The following CDKAL1 variants were observed in gnomAD, a reference collection of about 807,000 sequenced individuals.
CDKAL1 encodes CDKAL1 threonylcarbamoyladenosine tRNA methylthiotransferase.
In CDKAL1, 32 loss-of-function variants were observed where a neutral mutation model predicts 68.2. The observed-to-expected ratio is 0.47, with a 90% confidence interval of 0.35 to 0.63. The LOEUF (loss-of-function observed/expected upper bound fraction) is 0.63. Ranked by LOEUF, CDKAL1 falls within the 30% of genes least tolerant of loss-of-function variation. CDKAL1 has a pLI of 0.00. For synonymous variants in CDKAL1, 234 were observed against 244.3 expected (o/e 0.96, Z 0.39); for missense variants, 606 against 696.7 (o/e 0.87, Z 1.47).
intron 10 of CDKAL1, among the ~76,000 whole-genome samples, chr6:20,993,744 T>C (rs1581985610): frequency 6.6e-6 from 1 of 152,376 alleles, no homozygotes; most frequent in East Asian, 1.9e-4. Context: ...TTTATTTTTT[T>C]CTTTATATTT....
chr6:20,917,426 T>G (rs9368258), intron 9 of CDKAL1, among the ~76,000 whole-genome samples: 145,938 of 152,222 alleles, frequency 0.96, 69,969 homozygotes, highest in East Asian at 1. Flanking sequence ...AGCCTTTTTG[T>G]ATTCATTTAT....
chr6:20,574,365 C>A (rs538034869), intron 4 of CDKAL1, among the ~76,000 whole-genome samples: 1 of 151,994 alleles, frequency 6.6e-6, no homozygotes, highest in Non-Finnish European at 1.5e-5. Context: ...GGTATAGGGT[C>A]CTTATGTCTT....
chr6:20,572,939 C>T (rs1437620427), intron 4 of CDKAL1, among the ~76,000 whole-genome samples: 1 of 152,120 alleles, frequency 6.6e-6, no homozygotes, highest in Non-Finnish European at 1.5e-5. Context: ...AAGGATATTG[C>T]TGATTTTCCT....
At chr6:20,812,357 G>A (rs9358372) in intron 8 of CDKAL1, among the ~76,000 whole-genome samples, 97,173 of 152,012 alleles carry the variant, frequency 0.64, 31,415 homozygotes, top group African/African-American at 0.66. Flanking sequence ...TTATTGGCTA[G>A]TGGAGGCTCC....
At chr6:20,689,248 C>A (rs1770765803) in intron 5 of CDKAL1, among the ~76,000 whole-genome samples, 1 of 152,162 alleles carries the variant, frequency 6.6e-6, no homozygotes, top group Admixed American at 6.5e-5. Context: ...AAAATTCACG[C>A]AAGTATGGGG....
At chr6:20,665,740 T>A (rs1205053062) in intron 5 of CDKAL1, among the ~76,000 whole-genome samples, 2 of 152,040 alleles carry the variant, frequency 1.3e-5, no homozygotes, top group African/African-American at 4.8e-5. Flanking sequence ...AAAGAAACTG[T>A]CGAATGAAAC....
At position 21,165,492 on chromosome 6, in the gene CDKAL1, T is replaced by C. The variant is rs190872695; in HGVS notation, c.1300-32529T>C. Among the ~76,000 whole-genome samples, 185 of 152,374 alleles carry C rather than the reference T, an allele frequency of 1.2e-3. 1 individual carries two copies. Among genetic ancestry groups the C allele is most frequent in the African/African-American group, 4.3e-3 (178 of 41,592 alleles). ...TGGGAGTTTTTACATTTGGGATAATTATTAAAAATCTTTATAATTATCCAT... is the reference window on the plus strand; with the variant it reads ...TGGGAGTTTTTACATTTGGGATAATCATTAAAAATCTTTATAATTATCCAT... On this transcript the variant is annotated intron_variant, in intron 13 of 15. Coordinates refer to ENST00000274695, the MANE Select transcript of CDKAL1 (RefSeq NM_017774.3).
intron 5 of CDKAL1, among the ~76,000 whole-genome samples, chr6:20,735,499 A>G (rs1051272074): frequency 2.0e-5 from 3 of 152,122 alleles, no homozygotes; most frequent in Non-Finnish European, 4.4e-5. Flanking sequence ...AACGACTCCT[A>G]TGATTCAGTT....
chr6:20,656,322 G>A (rs552817653), intron 5 of CDKAL1, among the ~76,000 whole-genome samples: 32 of 152,268 alleles, frequency 2.1e-4, no homozygotes, highest in African/African-American at 7.2e-4. Flanking sequence ...AATTCAAAAT[G>A]GTGGAAGGAA....
At chr6:20,535,448 GT>G (rs1323615279) in intron 2 of CDKAL1, 54 bp downstream of exon 2, 1 of 152,290 alleles carries the variant, frequency 6.6e-6, no homozygotes, top group African/African-American at 2.4e-5. Context: ...ATTTCTGCAT[GT>G]TAGAAAATGC....
At chr6:20,784,532 C>T (rs1775586508) in intron 8 of CDKAL1, among the ~76,000 whole-genome samples, 1 of 137,346 alleles carries the variant, frequency 7.3e-6, no homozygotes, top group Non-Finnish European at 1.5e-5. Context: ...TCAAGTGATT[C>T]TTCTGCCTCA....
chr6:21,112,635 C>T (rs1171110158), intron 13 of CDKAL1, among the ~76,000 whole-genome samples: 6 of 152,140 alleles, frequency 3.9e-5, no homozygotes, highest in Admixed American at 3.9e-4. Flanking sequence ...TATTTAATTA[C>T]TTTTCTACAT....
chr6:20,669,921 A>T (rs928257816), intron 5 of CDKAL1, among the ~76,000 whole-genome samples: 3 of 152,184 alleles, frequency 2.0e-5, no homozygotes, highest in African/African-American at 7.2e-5. Flanking sequence ...TAGGAAATGT[A>T]TGTATTTACA....
Position 20,643,590 on chromosome 6 carries a change from G to C in CDKAL1, c.287-5703G>C, listed in dbSNP as rs73371912. The stretch of plus-strand genomic sequence containing the variant: ...CATGTGGAATCACCATTATTTATTG[G>C]CAAATAGCCATAGACAGTTTTCCTT... On this transcript the variant is annotated intron_variant, in intron 4 of 15. Transcript: ENST00000274695. Among the ~76,000 whole-genome samples, 237 of 152,204 alleles carry C rather than the reference G, an allele frequency of 1.6e-3. 2 individuals carry two copies. The highest frequency in any genetic ancestry group is 5.4e-3 in the African/African-American group (225 of 41,526).
chr6:20,716,898 A>T (rs1279111921), intron 5 of CDKAL1, among the ~76,000 whole-genome samples: 2 of 152,124 alleles, frequency 1.3e-5, no homozygotes, highest in African/African-American at 4.8e-5. Context: ...AGAACCAAGG[A>T]CTAAGAATGT....
chr6:20,872,683 C>T (rs2150545512), intron 9 of CDKAL1, among the ~76,000 whole-genome samples: 1 of 148,912 alleles, frequency 6.7e-6, no homozygotes, highest in South Asian at 2.2e-4. Flanking sequence ...TCAAAGAGAA[C>T]ATATTAACAA....
At chr6:20,855,062 G>C (rs997851845) in intron 9 of CDKAL1, among the ~76,000 whole-genome samples, 1 of 152,182 alleles carries the variant, frequency 6.6e-6, no homozygotes, top group Non-Finnish European at 1.5e-5. Context: ...AGTGGTGAGG[G>C]ATAGAGTAGG....
intron 15 of CDKAL1, among the ~76,000 whole-genome samples, chr6:21,226,903 G>A (rs955498257): frequency 2.6e-5 from 4 of 152,124 alleles, no homozygotes; most frequent in Admixed American, 2.0e-4. Context: ...TAATAGAGAC[G>A]GGGTTTCACC....
intron 5 of CDKAL1, among the ~76,000 whole-genome samples, chr6:20,706,727 CTCTCTTTATGA>C (rs1771612367): frequency 6.6e-6 from 1 of 152,158 alleles, no homozygotes; most frequent in African/African-American, 2.4e-5. Context: ...TCACCTGCTG[CTCTCTTTATGA>C]TGTGAAGTGA....
Sources: gnomAD v4.1 joint callset for allele counts (sites outside exome capture counted in the v4.1 genomes callset) on GRCh38, gnomAD v4.1.1 for gene constraint, MANE v1.5 for transcripts, NCBI Gene and HGNC (gene_info 2026-07-23, HGNC 2026-07-21) for gene names.